IL23R: variants seen among roughly 807,000 people sequenced by gnomAD.
The protein encoded by IL23R is interleukin-23 receptor.
In IL23R, 34 loss-of-function variants were observed where a neutral mutation model predicts 56.9. That is an observed-to-expected ratio of 0.60 (90% CI 0.45 to 0.80). The LOEUF (loss-of-function observed/expected upper bound fraction) is 0.80, where lower values mean the gene tolerates loss of function less well. Among genes scored for constraint, IL23R ranks in the 30% least tolerant of loss-of-function variants. The pLI, the probability that IL23R is intolerant of heterozygous loss-of-function variation, is 0.00. For synonymous variants in IL23R, 230 were observed against 249.2 expected (o/e 0.92, Z 0.73); for missense variants, 635 against 730.0 (o/e 0.87, Z 1.50).
At chr1:67,261,880 A>G (rs1224081846), downstream of IL23R, among the ~76,000 whole-genome samples, 2 of 152,140 alleles carry the variant, frequency 1.3e-5, no homozygotes, top group Non-Finnish European at 2.9e-5. Flanking sequence ...TTCGCCCCCT[A>G]GAGTGGGAAG....
chr1:67,142,845 G>A (rs751625306), intron 1 of IL23R, among the ~76,000 whole-genome samples: 8 of 152,180 alleles, frequency 5.3e-5, no homozygotes, highest in Non-Finnish European at 1.0e-4. Context: ...TAGGATTATA[G>A]GCATGAGCCA....
At chr1:67,182,752 C>G in intron 3 of IL23R, 84 bp from the exon 4 acceptor site, 3 of 1,434,220 alleles carry the variant, frequency 2.1e-6, no homozygotes, top group Non-Finnish European at 2.9e-6. Flanking sequence ...TAGACTGGAG[C>G]TGTTCCTATT....
At chr1:67,183,445 G>T (rs1480826661) in intron 4 of IL23R, among the ~76,000 whole-genome samples, 4 of 152,204 alleles carry the variant, frequency 2.6e-5, no homozygotes, top group Non-Finnish European at 5.9e-5. Flanking sequence ...TGAGGCAGGA[G>T]AATTGCTTGA....
chr1:67,162,887 C>T (rs890889924), upstream of IL23R, among the ~76,000 whole-genome samples: 1 of 152,146 alleles, frequency 6.6e-6, no homozygotes, highest in African/African-American at 2.4e-5. Context: ...TAGGAAAGAG[C>T]ACATATGGAA....
chr1:67,185,116 C>T (rs1251178551), intron 4 of IL23R, among the ~76,000 whole-genome samples: 1 of 152,176 alleles, frequency 6.6e-6, no homozygotes, highest in Non-Finnish European at 1.5e-5. Flanking sequence ...ATTGCCTAGT[C>T]TAAGGTATTT....
chr1:67,166,278 A>G (rs1017570553), upstream of IL23R: 9 of 152,376 alleles, frequency 5.9e-5, no homozygotes, highest in Non-Finnish European at 1.5e-5. Context: ...AAAAAAAAGT[A>G]CCGACAAAAC....
At chr1:67,188,429 C>T (rs1267105883) in intron 4 of IL23R, among the ~76,000 whole-genome samples, 1 of 152,204 alleles carries the variant, frequency 6.6e-6, no homozygotes, top group Non-Finnish European at 1.5e-5. Context: ...CCAACAGTAT[C>T]TGCCATAGTT....
chr1:67,254,420 T>C lies in IL23R; in HGVS notation c.1149-1417T>C, dbSNP rs1028692455. On this transcript the variant is annotated intron_variant, in intron 9 of 10. Transcript: ENST00000347310. ...AAAAGTGGGTAAATATATATACATATATATATATATATTCTCACTGTATCA... is the reference window on the plus strand; with the variant it reads ...AAAAGTGGGTAAATATATATACATACATATATATATATTCTCACTGTATCA... 5.4e-4 allele frequency among the ~76,000 whole-genome samples: 82 copies of C among 150,782 alleles called. No individual in the cohort carries two copies. In the East Asian group the frequency reaches 0.014, roughly 26 times the overall value.
intron 1 of IL23R, among the ~76,000 whole-genome samples, chr1:67,160,068 G>A (rs1169436223): frequency 6.6e-6 from 1 of 151,894 alleles, no homozygotes; most frequent in Non-Finnish European, 1.5e-5. Context: ...GCCCAGGCTG[G>A]TCTCAAATTC....
downstream of IL23R, among the ~76,000 whole-genome samples, chr1:67,264,099 C>T (rs1453900402): frequency 1.3e-5 from 2 of 152,208 alleles, no homozygotes; most frequent in African/African-American, 4.8e-5. Flanking sequence ...AGAACTGAAC[C>T]TTACTCTGCA....
At position 67,255,845 on chromosome 1, in the gene IL23R, G is replaced by C; in HGVS notation, c.1157G>C (p.Arg386Thr). 6.5e-7 allele frequency: 1 copy of C among 1,528,722 alleles called. No homozygotes were observed. Among genetic ancestry groups the C allele is most frequent in the South Asian group, 1.1e-5 (1 of 89,360 alleles). The allele number at this position is 1,528,722 out of a possible 1,614,324, so 94.7% of individuals were successfully genotyped here. The change falls in exon 10 of 11, where the codon AGA (arginine) becomes ACA (threonine). Residue 386 changes from arginine to threonine, a missense_variant. Physicochemically the swap from Arg to Thr is moderately conservative, Grantham distance 71 (BLOSUM62 -1). Coordinates refer to ENST00000347310, the MANE Select transcript of IL23R (RefSeq NM_144701.3). The part of the protein sequence containing the change: ...FNRSFRTGIK[R>T]RILLLIPKWL... ...TCATTTTTGTTTTTTAGGATTAAAA[G>C]AAGGATCTTATTGTTAATACCAAAG...
At chr1:67,201,806 A>G (rs916126685) in intron 5 of IL23R, among the ~76,000 whole-genome samples, 10 of 152,130 alleles carry the variant, frequency 6.6e-5, no homozygotes, top group African/African-American at 1.2e-4. Context: ...GATATTTTAT[A>G]CCCTGCCTTT....
At chr1:67,210,050 A>T (rs1649348741) in intron 6 of IL23R, among the ~76,000 whole-genome samples, 1 of 152,212 alleles carries the variant, frequency 6.6e-6, no homozygotes, top group Admixed American at 6.5e-5. Context: ...GTTTCTTTTT[A>T]AGTGAAAAGT....
intron 7 of IL23R, among the ~76,000 whole-genome samples, chr1:67,220,432 TA>T (rs1404690054): frequency 2.0e-5 from 3 of 151,784 alleles, no homozygotes; most frequent in Admixed American, 2.0e-4. Context: ...AGCTACAAGA[TA>T]TTTTTTTTCT....
rs146746164 is a variant in IL23R, at chr1:67,156,825, T to C, written c.-633-11267T>C. On this transcript the variant is annotated intron_variant, in intron 1 of 10. Coordinates refer to the IL23R transcript ENST00000637002. ...CCCTTTCCAGGGCAGTGGATGGTTC[T>C]CCTGTCTCACTGGCATTCCACACAC... is the stretch of plus-strand genomic sequence containing the variant. 9.7e-4 allele frequency among the ~76,000 whole-genome samples: 147 copies of C among 152,268 alleles called. 1 individual carries two copies. The highest frequency in any genetic ancestry group is 1.6e-3 in the Admixed American group (25 of 15,290).
chr1:67,218,886 C>CA (rs1650048267), intron 6 of IL23R, among the ~76,000 whole-genome samples: 1 of 151,514 alleles, frequency 6.6e-6, no homozygotes, highest in East Asian at 1.9e-4. Flanking sequence ...CGAGCCACTG[C>CA]ACTCCACAGT....
chr1:67,191,818 A>G (rs1000127746), intron 4 of IL23R, among the ~76,000 whole-genome samples: 4 of 152,178 alleles, frequency 2.6e-5, no homozygotes, highest in Non-Finnish European at 4.4e-5. Context: ...CATTTAATGT[A>G]GCTCTTCACT....
chr1:67,139,859 G>C (rs777395009), intron 1 of IL23R, among the ~76,000 whole-genome samples: 1 of 152,192 alleles, frequency 6.6e-6, no homozygotes, highest in Non-Finnish European at 1.5e-5. Context: ...CCTTTAAAAG[G>C]TTCTTGGGTC....
intron 8 of IL23R, among the ~76,000 whole-genome samples, chr1:67,237,191 C>T (rs1354158469): frequency 1.3e-5 from 2 of 152,182 alleles, no homozygotes; most frequent in South Asian, 2.1e-4. Context: ...TACAGGCATC[C>T]GCCATCACGC....
Sources: gnomAD v4.1 joint callset for allele counts (sites outside exome capture counted in the v4.1 genomes callset) on GRCh38, gnomAD v4.1.1 for gene constraint, MANE v1.5 for transcripts, NCBI Gene and HGNC (gene_info 2026-07-23, HGNC 2026-07-21) for gene names.